The following MYLK variants were observed in gnomAD, a reference collection of about 807,000 sequenced individuals.
MYLK encodes myosin light chain kinase, smooth muscle.
MYLK carries 106 observed loss-of-function variants against 203.4 expected under a neutral mutation model. The observed-to-expected ratio is 0.52, with a 90% CI of 0.45 to 0.61. MYLK has a LOEUF of 0.61. Ranked by LOEUF, MYLK falls within the 20% of genes least tolerant of loss-of-function variation. MYLK has a pLI of 0.00. For missense variants in MYLK, 2,072 were observed against 2,442.3 expected, an observed-to-expected ratio of 0.85 and a Z score of 3.20; for synonymous variants, 867 against 959.5, an observed-to-expected ratio of 0.90 and a Z score of 1.78.
At chr3:123,830,897 A>G (rs1054756019) in intron 3 of MYLK, among the ~76,000 whole-genome samples, 1 of 152,216 alleles carries the variant, frequency 6.6e-6, no homozygotes. Flanking sequence ...TATTTAGAAT[A>G]TTTACTATTG....
At chr3:123,778,293 G>A (rs1359340519) in intron 4 of MYLK, among the ~76,000 whole-genome samples, 5 of 152,014 alleles carry the variant, frequency 3.3e-5, no homozygotes, top group Non-Finnish European at 7.4e-5. Flanking sequence ...CCTCGGGAGG[G>A]TGATAATGGG....
chr3:123,859,967 A>G (rs1238999681), intron 2 of MYLK, among the ~76,000 whole-genome samples: 2 of 150,358 alleles, frequency 1.3e-5, no homozygotes, highest in Non-Finnish European at 3.0e-5. Context: ...CGCAGTTAGA[A>G]AAAAAAAAAA....
At position 123,648,916 on chromosome 3, in the gene MYLK, A is replaced by G; in HGVS notation, c.4415+55T>C. On this transcript the variant is annotated intron_variant, in intron 26 of 33. Transcript: ENST00000360304. This position sits in a 1 kb window ranked among gnomAD's most constrained non-coding sequence, Gnocchi z 4.5. ...AGCTGAGGCACTGAATCTAACTGTG[A>G]GACCCGCACCACCCTCACCCTGGGA... 1 of 1,483,118 alleles carries G rather than the reference A, an allele frequency of 6.7e-7. No homozygotes were observed. Among genetic ancestry groups the G allele is most frequent in the Non-Finnish European group, 9.4e-7 (1 of 1,062,274 alleles). 91.9% of individuals were successfully genotyped at this position (1,483,118 alleles called of 1,614,324 possible).
In MYLK at chr3:123,631,567, A is replaced by T. The variant is rs543627186; in HGVS notation, c.4962-1941T>A. On this transcript the variant is annotated intron_variant, in intron 29 of 33. Transcript: ENST00000360304. Reference sequence around the variant, plus strand: ...GGTTGAGTTTGACAGAACAAACCCCACTTGAAATATTGGGAGAAAAAGCTT... The same window carrying T: ...GGTTGAGTTTGACAGAACAAACCCCTCTTGAAATATTGGGAGAAAAAGCTT... 7.2e-5 allele frequency among the ~76,000 whole-genome samples: 11 copies of T among 152,306 alleles called. No homozygotes were observed. The East Asian group carries it at 2.1e-3, about 29-fold the overall frequency.
Position 123,861,527 on chromosome 3 carries a change from G to T in MYLK, c.-127+15032C>A, listed in dbSNP as rs142695757. ...AGAAGGTACTGGAGCTGGAGTAGAC[G>T]CCAGAGGGCCTGAATGTCTAGCATT... On this transcript the variant is annotated intron_variant, in intron 2 of 33. Transcript: ENST00000360304. Among the ~76,000 whole-genome samples, 92 of 152,336 alleles carry T rather than the reference G, an allele frequency of 6.0e-4. 2 individuals carry two copies. The South Asian group carries it at 0.011, about 18-fold the overall frequency.
intron 2 of MYLK, among the ~76,000 whole-genome samples, chr3:123,834,014 A>G (rs2066412949): frequency 6.6e-6 from 1 of 152,074 alleles, no homozygotes; most frequent in Non-Finnish European, 1.5e-5. Context: ...AACATTTGGC[A>G]TTTCATTACT....
chr3:123,881,843 C>T (rs2033564451), intron 1 of MYLK, among the ~76,000 whole-genome samples: 1 of 152,162 alleles, frequency 6.6e-6, no homozygotes, highest in African/African-American at 2.4e-5. Flanking sequence ...GAACCTTTCC[C>T]CACCCTTGGA....
chr3:123,623,670 C>G (rs897273395), intron 31 of MYLK: 1 of 152,354 alleles, frequency 6.6e-6, no homozygotes, highest in Non-Finnish European at 1.5e-5. Flanking sequence ...CCTCTGCCCC[C>G]GCCCACAGCC....
At chr3:123,690,283 T>A (rs976064743) in intron 19 of MYLK, among the ~76,000 whole-genome samples, 3 of 152,274 alleles carry the variant, frequency 2.0e-5, no homozygotes, top group African/African-American at 7.2e-5. Flanking sequence ...TCATTGTTGC[T>A]GCTTACGGCA....
intron 2 of MYLK, among the ~76,000 whole-genome samples, chr3:123,843,559 G>A (rs964346358): frequency 2.0e-5 from 3 of 152,166 alleles, no homozygotes; most frequent in Non-Finnish European, 4.4e-5. Flanking sequence ...TTAACAGGCA[G>A]CATAACCAAG....
chr3:123,641,880 G>T (rs904850526), intron 27 of MYLK, among the ~76,000 whole-genome samples: 1 of 148,482 alleles, frequency 6.7e-6, no homozygotes, highest in African/African-American at 2.5e-5. Flanking sequence ...TTTGAGACAG[G>T]GTCTTGCTCT....
chr3:123,651,781 T>G (rs1218738696), intron 24 of MYLK, among the ~76,000 whole-genome samples: 1 of 152,220 alleles, frequency 6.6e-6, no homozygotes, highest in African/African-American at 2.4e-5. Context: ...GCCTCTGGCC[T>G]CACTCATGAG....
intron 29 of MYLK, among the ~76,000 whole-genome samples, chr3:123,636,348 C>T (rs76334980): frequency 0.057 from 8,720 of 152,304 alleles, 379 homozygotes; most frequent in African/African-American, 0.12. Context: ...TGCCATGATC[C>T]ACTCTTGGGT....
chr3:123,837,478 TTA>T (rs1359388420), intron 2 of MYLK, among the ~76,000 whole-genome samples: 2 of 147,834 alleles, frequency 1.4e-5, no homozygotes, highest in Non-Finnish European at 3.0e-5. Context: ...TATATACATA[TTA>T]TATATAATTA....
chr3:123,675,455 T>C (rs1328031350), intron 20 of MYLK, among the ~76,000 whole-genome samples: 2 of 152,086 alleles, frequency 1.3e-5, no homozygotes, highest in Non-Finnish European at 2.9e-5. Flanking sequence ...CTCTGAAACA[T>C]GGAAAATCAG....
intron 4 of MYLK, among the ~76,000 whole-genome samples, chr3:123,768,148 C>T (rs2108967823): frequency 6.6e-6 from 1 of 152,336 alleles, no homozygotes; most frequent in African/African-American, 2.4e-5. Flanking sequence ...GCAGGCATGC[C>T]TGGAGAGCCC....
chr3:123,859,272 G>A (rs1163346874), intron 2 of MYLK, among the ~76,000 whole-genome samples: 1 of 152,202 alleles, frequency 6.6e-6, no homozygotes, highest in Non-Finnish European at 1.5e-5. Flanking sequence ...GATAACATAG[G>A]CTCCCATTTG....
intron 4 of MYLK, among the ~76,000 whole-genome samples, chr3:123,770,156 C>CAA (rs59411359): frequency 6.2e-4 from 52 of 83,946 alleles, no homozygotes; most frequent in African/African-American, 1.2e-3. Context: ...ACTAAAAATA[C>CAA]AAAAAAAAAA....
At chr3:123,661,750 G>A (rs370004968) in intron 23 of MYLK, among the ~76,000 whole-genome samples, 11 of 152,284 alleles carry the variant, frequency 7.2e-5, no homozygotes, top group African/African-American at 1.7e-4. Flanking sequence ...AAGGTAAACA[G>A]AAATATGGAC....
Sources: allele counts gnomAD v4.1 joint callset (sites outside exome capture counted in the v4.1 genomes callset), GRCh38; gene constraint gnomAD v4.1.1; non-coding constraint Gnocchi (gnomAD v3.1); transcripts MANE v1.5; gene names NCBI Gene and HGNC (gene_info 2026-07-23, HGNC 2026-07-21).